RYR3: variants seen among roughly 807,000 people sequenced by gnomAD.
The protein encoded by RYR3 is brain ryanodine receptor-calcium release channel.
RYR3 carries 207 observed loss-of-function variants against 584.3 expected under a neutral mutation model. The observed-to-expected ratio is 0.35, with a 90% CI of 0.32 to 0.40. The LOEUF (loss-of-function observed/expected upper bound fraction) is 0.40, where lower values mean the gene tolerates loss of function less well. Ranked by LOEUF, RYR3 falls within the 10% of genes least tolerant of loss-of-function variation. The pLI is 1.00. For missense variants in RYR3, 5,616 were observed against 6,089.2 expected, an observed-to-expected ratio of 0.92 and a Z score of 2.59; for synonymous variants, 2,416 against 2,248.5, an observed-to-expected ratio of 1.07 and a Z score of -2.11.
At position 33,780,124 on chromosome 15, in the gene RYR3, A is replaced by G; in HGVS notation, c.9138-87A>G. ...GCCTAGTGCCTAGGGATGTCCATGGATTAATCTATGGGGAAGGCCTGATCT... is the reference window on the plus strand; with the variant it reads ...GCCTAGTGCCTAGGGATGTCCATGGGTTAATCTATGGGGAAGGCCTGATCT... On this transcript the variant is annotated intron_variant, in intron 64 of 103. Coordinates refer to ENST00000634891, the MANE Select transcript of RYR3 (RefSeq NM_001036.6). The G allele has an allele frequency of 2.0e-6, 3 of 1,520,948 alleles. No individual in the cohort carries two copies. The South Asian group carries it at 3.8e-5, about 19-fold the overall frequency. 94.2% of individuals were successfully genotyped at this position (1,520,948 alleles called of 1,614,324 possible).
chr15:33,498,200 C>G (rs890939664), intron 2 of RYR3, among the ~76,000 whole-genome samples: 3 of 152,104 alleles, frequency 2.0e-5, no homozygotes, highest in Admixed American at 6.5e-5. Flanking sequence ...ATACTGATTT[C>G]ATTTTCTGTT....
intron 38 of RYR3, among the ~76,000 whole-genome samples, chr15:33,686,314 C>T (rs2065005935): frequency 6.6e-6 from 1 of 152,188 alleles, no homozygotes; most frequent in Non-Finnish European, 1.5e-5. Flanking sequence ...CGCAAATAAA[C>T]TAGAAAATCT....
intron 38 of RYR3, among the ~76,000 whole-genome samples, chr15:33,674,251 A>G (rs1254712590): frequency 6.6e-6 from 1 of 152,220 alleles, no homozygotes; most frequent in Non-Finnish European, 1.5e-5. Context: ...CGCACATGCA[A>G]AGTGAGATAA....
chr15:33,338,974 A>G (rs144379479), intron 1 of RYR3, among the ~76,000 whole-genome samples: 32 of 152,350 alleles, frequency 2.1e-4, no homozygotes, highest in Middle Eastern at 3.4e-3. Flanking sequence ...CTGCACATTA[A>G]GGATAGCTGC....
At chr15:33,716,955 C>G (rs2067539997) in intron 43 of RYR3, among the ~76,000 whole-genome samples, 1 of 152,034 alleles carries the variant, frequency 6.6e-6, no homozygotes, top group South Asian at 2.1e-4. Context: ...GGCTGATTTT[C>G]ATCATCTTAT....
chr15:33,603,864 A>G (rs752753514), intron 18 of RYR3, among the ~76,000 whole-genome samples: 1 of 152,248 alleles, frequency 6.6e-6, no homozygotes, highest in Non-Finnish European at 1.5e-5. Flanking sequence ...CTGTTGCTTC[A>G]TAATACAATT....
In RYR3 at chr15:33,763,892, C is replaced by CAAAAAAAA. The variant is rs796878162; in HGVS notation, c.8706-4749_8706-4742dup. ...TGAGTGACAGAGCGAGACTTCATCTCAAAAAAAAAAAAAAAAAAAAAAAAT... is the reference window on the plus strand; with the variant it reads ...TGAGTGACAGAGCGAGACTTCATCTCAAAAAAAAAAAAAAAAAAAAAAAAAAAAAAAAT... On this transcript the variant is annotated intron_variant, in intron 60 of 103. Transcript: ENST00000634891. Among the ~76,000 whole-genome samples the CAAAAAAAA allele has an allele frequency of 4.5e-3, 208 of 45,866 alleles. 15 individuals are homozygous for CAAAAAAAA. Among genetic ancestry groups the CAAAAAAAA allele is most frequent in the African/African-American group, 5.2e-3 (58 of 11,102 alleles). The allele number at this position is 45,866 out of a possible 152,430, so 30.1% of individuals were successfully genotyped here.
chr15:33,521,337 G>A (rs571662733), intron 3 of RYR3, among the ~76,000 whole-genome samples: 5 of 152,216 alleles, frequency 3.3e-5, no homozygotes, highest in African/African-American at 1.2e-4. Context: ...TTAGGCTCTG[G>A]CCTTTCATCC....
At chr15:33,772,508 A>G (rs984930554) in intron 63 of RYR3, among the ~76,000 whole-genome samples, 3 of 152,172 alleles carry the variant, frequency 2.0e-5, no homozygotes, top group African/African-American at 4.8e-5. Flanking sequence ...GGTTTTTGAG[A>G]CATCATTTTT....
At position 33,613,383 on chromosome 15, in the gene RYR3, A is replaced by G. The variant is rs368529556; in HGVS notation, c.2357+8A>G. On this transcript the variant is annotated splice_region_variant and intron_variant, in intron 19 of 103. Coordinates refer to ENST00000634891, the MANE Select transcript of RYR3 (RefSeq NM_001036.6). ...CTTTTCAGCAGGTGTCAAGTAAGTT[A>G]TGGCTGTGATTTCATGGAGAGTAGC... is the stretch of plus-strand genomic sequence containing the variant. 1.3e-6 allele frequency: 2 copies of G among 1,585,846 alleles called. No homozygotes were observed. Among genetic ancestry groups the G allele is most frequent in the Non-Finnish European group, 8.6e-7 (1 of 1,164,870 alleles).
intron 1 of RYR3, among the ~76,000 whole-genome samples, chr15:33,393,983 A>T (rs2042154376): frequency 1.3e-5 from 2 of 152,222 alleles, no homozygotes; most frequent in Non-Finnish European, 2.9e-5. Context: ...GAGACACAGG[A>T]TCAAACAATT....
In RYR3 at chr15:33,627,908, T is replaced by C. The variant is rs763699088; in HGVS notation, c.2575-563T>C. ...AAATGAACATGGTAGGTTTCATGACTGATTAGATGGGGGAGTAGTGCCAGG... is the reference window on the plus strand; with the variant it reads ...AAATGAACATGGTAGGTTTCATGACCGATTAGATGGGGGAGTAGTGCCAGG... On this transcript the variant is annotated intron_variant, in intron 20 of 103. Transcript: ENST00000634891. Among the ~76,000 whole-genome samples the C allele has an allele frequency of 2.0e-5, 3 of 152,124 alleles. No homozygotes were observed. In the East Asian group the frequency reaches 5.8e-4, roughly 29 times the overall value.
intron 38 of RYR3, among the ~76,000 whole-genome samples, chr15:33,689,835 T>C (rs2065290166): frequency 6.6e-6 from 1 of 152,232 alleles, no homozygotes; most frequent in African/African-American, 2.4e-5. Context: ...TTATTTTTTA[T>C]TAAATGCCTC....
At chr15:33,586,628 C>A (rs2058860000) in intron 16 of RYR3, among the ~76,000 whole-genome samples, 2 of 152,158 alleles carry the variant, frequency 1.3e-5, no homozygotes, top group African/African-American at 4.8e-5. Flanking sequence ...AGCCACTGGT[C>A]CTTCCCTTTT....
rs984102246 is a variant in RYR3, at chr15:33,845,158, C to T, written c.13497+96C>T. ...CCCTTTGCTCTAAGACTTTGCTAGCCGTAAAGGCCTTCGTAAGGTCCGTAG... is the reference window on the plus strand; with the variant it reads ...CCCTTTGCTCTAAGACTTTGCTAGCTGTAAAGGCCTTCGTAAGGTCCGTAG... On this transcript the variant is annotated intron_variant, in intron 93 of 103. Transcript: ENST00000634891. 1.6e-5 allele frequency: 20 copies of T among 1,267,210 alleles called. No individual in the cohort carries two copies. In the Admixed American group the frequency reaches 2.0e-4, roughly 13 times the overall value. The allele number at this position is 1,267,210 out of a possible 1,614,324, so 78.5% of individuals were successfully genotyped here. A position where few individuals can be genotyped will look rare whatever the true frequency, so the allele number is the denominator to read the frequency against.
At chr15:33,323,990 G>C (rs1368876775) in intron 1 of RYR3, among the ~76,000 whole-genome samples, 1 of 152,116 alleles carries the variant, frequency 6.6e-6, no homozygotes, top group African/African-American at 2.4e-5. Flanking sequence ...GGAGAGTTAG[G>C]GTTAACCTTT....
chr15:33,475,733 G>T (rs538046182), intron 2 of RYR3, among the ~76,000 whole-genome samples: 9 of 152,262 alleles, frequency 5.9e-5, no homozygotes, highest in Admixed American at 2.0e-4. Context: ...ACTTTTCTGA[G>T]CTGAGTTTTC....
intron 67 of RYR3, among the ~76,000 whole-genome samples, chr15:33,798,772 C>G (rs1296041985): frequency 1.3e-5 from 2 of 152,148 alleles, no homozygotes; most frequent in African/African-American, 4.8e-5. Flanking sequence ...GAAGGAGAGG[C>G]TGCTTGAATC....
At chr15:33,559,480 C>CAG (rs2057287323) in intron 10 of RYR3, among the ~76,000 whole-genome samples, 1 of 152,174 alleles carries the variant, frequency 6.6e-6, no homozygotes, top group Non-Finnish European at 1.5e-5. Context: ...AGACAAGGGG[C>CAG]AGAAGCAAGG....
Sources: allele counts gnomAD v4.1 joint callset (sites outside exome capture counted in the v4.1 genomes callset), GRCh38; gene constraint gnomAD v4.1.1; transcripts MANE v1.5; gene names NCBI Gene and HGNC (gene_info 2026-07-23, HGNC 2026-07-21).